The following NDUFS4 variants were observed in gnomAD, a reference collection of about 807,000 sequenced individuals.
NDUFS4 encodes NADH:ubiquinone oxidoreductase subunit S4, also known as NADH dehydrogenase [ubiquinone] iron-sulfur protein 4, mitochondrial.
NDUFS4 carries 28 observed loss-of-function variants against 24.3 expected under a neutral mutation model. The observed-to-expected ratio is 1.15, with a 90% CI of 0.85 to 1.58. The LOEUF (loss-of-function observed/expected upper bound fraction) is 1.58, where lower values mean the gene tolerates loss of function less well. NDUFS4 is among the 40% of genes most tolerant of loss of function. The probability of loss-of-function intolerance (pLI) is 0.00; values close to 1 mark genes in which losing one functional copy is unlikely to be tolerated. For missense variants in NDUFS4, 223 were observed against 207.9 expected (o/e 1.07, Z -0.45); for synonymous variants, 93 against 69.7 (o/e 1.34, Z -1.67).
intron 4 of NDUFS4, among the ~76,000 whole-genome samples, chr5:53,662,609 T>G (rs1046128572): frequency 2.6e-5 from 4 of 152,150 alleles, no homozygotes; most frequent in Non-Finnish European, 4.4e-5. Context: ...AATTCGGCTG[T>G]GAATCCATCT....
At chr5:53,621,376 C>T (rs1051846177) in intron 2 of NDUFS4, among the ~76,000 whole-genome samples, 9 of 148,534 alleles carry the variant, frequency 6.1e-5, no homozygotes, top group Non-Finnish European at 1.0e-4. Flanking sequence ...TTGACAATTT[C>T]TGTCTTTTAA....
At chr5:53,597,220 G>A (rs1561351893) in intron 1 of NDUFS4, among the ~76,000 whole-genome samples, 1 of 152,120 alleles carries the variant, frequency 6.6e-6, no homozygotes, top group Non-Finnish European at 1.5e-5. Context: ...TTACAACTTG[G>A]TGGCTGGGTT....
chr5:53,623,787 C>T (rs765268346), intron 2 of NDUFS4, among the ~76,000 whole-genome samples: 54 of 152,196 alleles, frequency 3.5e-4, no homozygotes, highest in Admixed American at 7.2e-4. Flanking sequence ...GGCGCAATCT[C>T]GGCTCACTAC....
intron 4 of NDUFS4, among the ~76,000 whole-genome samples, chr5:53,661,028 G>T (rs1316093813): frequency 6.6e-6 from 1 of 152,132 alleles, no homozygotes; most frequent in African/African-American, 2.4e-5. Context: ...GTCAATTCTG[G>T]CTTTTGTTGC....
chr5:53,665,113 G>T (rs1244998204), intron 4 of NDUFS4, among the ~76,000 whole-genome samples: 3 of 152,142 alleles, frequency 2.0e-5, no homozygotes. Context: ...TATTTGCCTG[G>T]GTATCAGCAG....
At chr5:53,663,274 G>A (rs1437677473) in intron 4 of NDUFS4, among the ~76,000 whole-genome samples, 1 of 152,172 alleles carries the variant, frequency 6.6e-6, no homozygotes, top group Non-Finnish European at 1.5e-5. Context: ...TTTGGAACAG[G>A]TGTGGTGTGG....
At chr5:53,606,107 C>T (rs1750494991) in intron 2 of NDUFS4, among the ~76,000 whole-genome samples, 2 of 151,870 alleles carry the variant, frequency 1.3e-5, no homozygotes, top group South Asian at 4.2e-4. Context: ...TGGTGTGAAC[C>T]TGGGAGGCGG....
At chr5:53,620,451 C>A (rs1180863534) in intron 2 of NDUFS4, among the ~76,000 whole-genome samples, 1 of 152,086 alleles carries the variant, frequency 6.6e-6, no homozygotes, top group Non-Finnish European at 1.5e-5. Flanking sequence ...TATCATTGTA[C>A]TATAAATTGG....
At position 53,636,567 on chromosome 5, in the gene NDUFS4, C is replaced by T. The variant is rs529650283; in HGVS notation, c.178-9666C>T. 2.6e-5 allele frequency among the ~76,000 whole-genome samples: 4 copies of T among 152,256 alleles called. No homozygotes were observed. The South Asian group carries it at 8.3e-4, about 32-fold the overall frequency. ...TAATTTTTCTTTCTACAGTCATTCT[C>T]ATTTTTATCAAAGATAATCAAACTA... On this transcript the variant is annotated intron_variant, in intron 2 of 4. Coordinates refer to ENST00000296684, the MANE Select transcript of NDUFS4 (RefSeq NM_002495.4).
intron 4 of NDUFS4, among the ~76,000 whole-genome samples, chr5:53,682,182 C>CTTAA (rs1270097360): frequency 2.0e-5 from 3 of 152,028 alleles, no homozygotes; most frequent in Admixed American, 6.6e-5. Context: ...AAAAGAATGA[C>CTTAA]TTAATTATAT....
chr5:53,620,392 A>G (rs1333632983), intron 2 of NDUFS4, among the ~76,000 whole-genome samples: 3 of 152,210 alleles, frequency 2.0e-5, no homozygotes, highest in Non-Finnish European at 4.4e-5. Context: ...ATTTAGAAGT[A>G]CTTCAAGGCT....
intron 4 of NDUFS4, among the ~76,000 whole-genome samples, chr5:53,668,558 A>C (rs1223482119): frequency 6.6e-6 from 1 of 151,668 alleles, no homozygotes; most frequent in Non-Finnish European, 1.5e-5. Flanking sequence ...TCCCAGGTTC[A>C]AGCGATTCTC....
rs1474303808 is a variant in NDUFS4 at position 53,658,114 on chromosome 5, G to A, written c.351-437G>A. 3.3e-5 allele frequency among the ~76,000 whole-genome samples: 5 copies of A among 151,980 alleles called. 1 individual carries two copies. The highest frequency in any genetic ancestry group is 6.6e-5 in the Admixed American group (1 of 15,248). On this transcript the variant is annotated intron_variant, in intron 3 of 4. Coordinates refer to ENST00000296684, the MANE Select transcript of NDUFS4 (RefSeq NM_002495.4). ...GATGGAAGGTTTGTCAGGAGTGAGC[G>A]ATCTTCAAAAAGGAGACTCAGAAGA...
intron 1 of NDUFS4, among the ~76,000 whole-genome samples, chr5:53,571,826 G>GGC (rs1749219198): frequency 6.6e-6 from 1 of 152,140 alleles, no homozygotes; most frequent in African/African-American, 2.4e-5. Context: ...AAATGATGTT[G>GGC]AACTTTGGTG....
intron 4 of NDUFS4, among the ~76,000 whole-genome samples, chr5:53,667,292 C>G (rs1056409847): frequency 1.3e-5 from 2 of 152,042 alleles, no homozygotes; most frequent in East Asian, 3.9e-4. Flanking sequence ...ATGGAGAACC[C>G]TCGTCTCTAC....
chr5:53,610,291 A>G (rs1387970135), intron 2 of NDUFS4, among the ~76,000 whole-genome samples: 1 of 152,204 alleles, frequency 6.6e-6, no homozygotes, highest in Admixed American at 6.5e-5. Flanking sequence ...ATGGCTTGTC[A>G]GTGGAGGACA....
chr5:53,682,377 C>CT (rs900443498), intron 4 of NDUFS4, among the ~76,000 whole-genome samples: 3 of 151,720 alleles, frequency 2.0e-5, no homozygotes, highest in South Asian at 2.1e-4. Context: ...GCGGCCCTTA[C>CT]TTTTTTATGC....
At chr5:53,652,016 G>A (rs1356896873) in intron 3 of NDUFS4, among the ~76,000 whole-genome samples, 15 of 151,996 alleles carry the variant, frequency 9.9e-5, no homozygotes, top group African/African-American at 3.6e-4. Context: ...CTCGTGATCC[G>A]CCTGCCTAGG....
chr5:53,662,974 C>A lies in NDUFS4; in HGVS notation c.424+4350C>A, dbSNP rs553403012. Among the ~76,000 whole-genome samples the A allele has an allele frequency of 7.6e-4, 116 of 151,810 alleles. 1 individual carries two copies. In the East Asian group the frequency reaches 0.022, roughly 28 times the overall value. Reference sequence around the variant, plus strand: ...GTGGGCATTTAGTGCTATAAATTTCCCTCTACACACTGCTTTGAATGTGTC... The same window carrying A: ...GTGGGCATTTAGTGCTATAAATTTCACTCTACACACTGCTTTGAATGTGTC... On this transcript the variant is annotated intron_variant, in intron 4 of 4. Transcript: ENST00000296684.
Sources: allele counts gnomAD v4.1 joint callset (sites outside exome capture counted in the v4.1 genomes callset), GRCh38; gene constraint gnomAD v4.1.1; transcripts MANE v1.5; gene names NCBI Gene and HGNC (gene_info 2026-07-23, HGNC 2026-07-21).